The following CCDC33 variants were observed in gnomAD, a reference collection of about 807,000 sequenced individuals.
CCDC33 encodes coiled-coil domain containing 33.
In CCDC33, 94 loss-of-function variants were observed where a neutral mutation model predicts 91.9. The observed-to-expected ratio is 1.02, with a 90% confidence interval of 0.87 to 1.21. CCDC33 has a LOEUF of 1.21. CCDC33 is among the 50% of genes most tolerant of loss of function. The pLI is 0.00. For synonymous variants in CCDC33, 396 were observed against 374.5 expected, an observed-to-expected ratio of 1.06 and a Z score of -0.66; for missense variants, 940 against 935.5, an observed-to-expected ratio of 1.00 and a Z score of -0.06.
chr15:74,331,421 G>A (rs1256853500), intron 15 of CCDC33, 125 bp downstream of exon 15: 3 of 952,954 alleles, frequency 3.1e-6, no homozygotes, highest in African/African-American at 3.3e-5. Flanking sequence ...AGTTATGTCT[G>A]TGGGCCTGGG....
At chr15:74,299,430 T>C (rs1238878410) in intron 11 of CCDC33, 1 of 152,306 alleles carries the variant, frequency 6.6e-6, no homozygotes, top group Non-Finnish European at 1.5e-5. Flanking sequence ...CCAAGACAGA[T>C]GTTGGTAAAT....
exon 1 of CCDC33, chr15:74,217,405 T>C (rs2074472405): frequency 1.6e-6 from 2 of 1,289,700 alleles, no homozygotes; most frequent in Non-Finnish European, 2.0e-6. Context: ...AGATACGCCC[T>C]GAGACTGTCA....
chr15:74,269,330 C>T (rs1257641957), intron 5 of CCDC33, among the ~76,000 whole-genome samples: 1 of 152,222 alleles, frequency 6.6e-6, no homozygotes, highest in Non-Finnish European at 1.5e-5. Flanking sequence ...CCCACCAGCA[C>T]CGTGGGCCTG....
At chr15:74,279,917 G>A (rs768094124) in intron 7 of CCDC33, 46 bp from the exon 8 acceptor site, 1 of 1,588,924 alleles carries the variant, frequency 6.3e-7, no homozygotes, top group Admixed American at 1.8e-5. Flanking sequence ...CCTTGATTTG[G>A]GAGAAGCTGT....
chr15:74,229,166 T>A (rs942243697), intron 2 of CCDC33, among the ~76,000 whole-genome samples: 3 of 152,166 alleles, frequency 2.0e-5, no homozygotes, highest in South Asian at 2.1e-4. Context: ...GTGGCCTAAG[T>A]CTGAAGCTTG....
rs878995553 is a variant in CCDC33, at chr15:74,268,384, C to T, written c.472C>T (p.Gln158Ter). Residue 158 changes from glutamine (Q) to a stop codon, truncating the protein, a stop_gained, in exon 5 of 19, where the codon CAG (glutamine) becomes TAG (stop). Transcript: ENST00000398814. LOFTEE classifies it high-confidence loss of function. ...GKADEATAKT[Q>*]LYATVVRKSS... Reference sequence around the variant, plus strand: ...AGCCGATGAAGCCACTGCCAAGACCCAGTTGTACGCAACAGTCGTTCGGAA... The same window carrying T: ...AGCCGATGAAGCCACTGCCAAGACCTAGTTGTACGCAACAGTCGTTCGGAA... 3 of 1,611,908 alleles carry T rather than the reference C, an allele frequency of 1.9e-6. No homozygotes were observed. Among genetic ancestry groups the T allele is most frequent in the Middle Eastern group, 1.7e-4 (1 of 6,052 alleles).
chr15:74,282,339 A>G (rs1482874529), intron 10 of CCDC33, among the ~76,000 whole-genome samples: 3 of 152,134 alleles, frequency 2.0e-5, no homozygotes, highest in African/African-American at 7.2e-5. Flanking sequence ...AGTTCCCTGC[A>G]GTGCCGGACT....
chr15:74,205,784 C>T (rs541696593), intron 1 of CCDC33, among the ~76,000 whole-genome samples: 2 of 152,332 alleles, frequency 1.3e-5, no homozygotes, highest in South Asian at 4.1e-4. Context: ...ACAATACCAC[C>T]TCCCTCCTCA....
intron 5 of CCDC33, 119 bp from the exon 6 acceptor site, chr15:74,271,584 T>G (rs2076318044): frequency 2.9e-6 from 2 of 681,562 alleles, no homozygotes; most frequent in Non-Finnish European, 5.3e-6. Flanking sequence ...AGGTGTCAAG[T>G]GTGGAGGCAG....
intron 1 of CCDC33, chr15:74,203,110 C>T (rs969086492): frequency 2.0e-6 from 2 of 985,592 alleles, no homozygotes; most frequent in Non-Finnish European, 2.4e-6. Flanking sequence ...TGAGACGGAC[C>T]GCTGGGGCTG....
intron 11 of CCDC33, among the ~76,000 whole-genome samples, chr15:74,298,054 C>T (rs940270997): frequency 3.9e-5 from 6 of 152,238 alleles, no homozygotes; most frequent in Admixed American, 3.3e-4. Context: ...CAGCCCTGCT[C>T]CTAGTACTGG....
Position 74,218,390 on chromosome 15 carries a change from A to C in CCDC33, c.311-107A>C. On this transcript the variant is annotated intron_variant, in intron 1 of 2. Transcript: ENST00000635913. The surrounding 1 kb of genome is among the most constrained non-coding windows in gnomAD (Gnocchi z 4.8). ...GCCAAGACTGCTTGGCTTTGACTCA[A>C]AGTCTGGGCAGCCCAGGTTTCCCCA... 1.7e-6 allele frequency: 2 copies of C among 1,144,270 alleles called. No individual in the cohort carries two copies. The highest frequency in any genetic ancestry group is 2.2e-6 in the Non-Finnish European group (2 of 897,018). 70.9% of individuals were successfully genotyped at this position (1,144,270 alleles called of 1,614,324 possible).
Position 74,272,833 on chromosome 15 carries a change from C to T in CCDC33, c.701C>T (p.Pro234Leu), listed in dbSNP as rs1052892615. The change falls in exon 7 of 19, where the codon CCT becomes CTT. Residue 234 changes from proline to leucine, a missense_variant. Transcript: ENST00000398814. ...CTGCCCATCACCCCACTGTCCTTCC[C>T]TATCCCGTCCATGATGAACTTTGAC... is the stretch of plus-strand genomic sequence containing the variant. ...VGLPITPLSF[P>L]IPSMMNFDVP... is the part of the protein sequence containing the mutation. 1.2e-5 allele frequency: 20 copies of T among 1,614,128 alleles called. No individual in the cohort carries two copies. The highest frequency in any genetic ancestry group is 1.5e-5 in the Non-Finnish European group (18 of 1,180,034).
At position 74,335,974 on chromosome 15, in the gene CCDC33, C is replaced by T. The variant is rs769493427; in HGVS notation, c.2189C>T (p.Pro730Leu). The change falls in exon 19 of 19, where the codon CCC (proline) becomes CTC (leucine). Residue 730 changes from proline to leucine, a missense_variant. Coordinates refer to ENST00000398814, the MANE Select transcript of CCDC33 (RefSeq NM_025055.5). ...MDLKQPSELE[P>L]LLPSSDSKLN... ...CTCAAGCAGCCCTCAGAGCTGGAGC[C>T]CCTGCTGCCCAGCTCAGACTCTAAG... The T allele has an allele frequency of 1.1e-5, 17 of 1,613,828 alleles. No individual in the cohort carries two copies. The African/African-American group carries it at 2.3e-4, about 22-fold the overall frequency.
At chr15:74,311,152 C>T (rs1832393221) in intron 11 of CCDC33, among the ~76,000 whole-genome samples, 3 of 152,128 alleles carry the variant, frequency 2.0e-5, no homozygotes, top group Admixed American at 1.3e-4. Flanking sequence ...TCACCCTGGT[C>T]CCTTCCCCTA....
chr15:74,265,653 C>T (rs4887123), intron 3 of CCDC33, among the ~76,000 whole-genome samples: 1 of 152,050 alleles, frequency 6.6e-6, no homozygotes, highest in Non-Finnish European at 1.5e-5. Flanking sequence ...ATAGTAGATA[C>T]TCACTAAATA....
intron 1 of CCDC33, among the ~76,000 whole-genome samples, chr15:74,242,075 T>G (rs913997538): frequency 6.6e-6 from 1 of 152,142 alleles, no homozygotes; most frequent in Non-Finnish European, 1.5e-5. Flanking sequence ...GAAATAACGT[T>G]CCTAAAACTC....
chr15:74,335,919 C>A lies in CCDC33; in HGVS notation c.2140-6C>A, dbSNP rs750638514. On this transcript the variant is annotated splice_region_variant and splice_polypyrimidine_tract_variant and intron_variant, in intron 18 of 18. Coordinates refer to ENST00000398814, the MANE Select transcript of CCDC33 (RefSeq NM_025055.5). The stretch of plus-strand genomic sequence containing the variant: ...GTACTCACGCACCCCGCTTTGCACA[C>A]CACAGAGTGCCCTCACCCACTCCAT... The A allele has an allele frequency of 1.2e-6, 2 of 1,613,058 alleles. No homozygotes were observed. The highest frequency in any genetic ancestry group is 1.7e-5 in the Admixed American group (1 of 60,014).
chr15:74,330,282 A>T lies in CCDC33; in HGVS notation c.1384A>T (p.Ile462Leu). ...QASILEGENR[I>L]LRSRLAQQEE... ...CAGCATCCTGGAAGGAGAGAACCGC[A>T]TACTGAGGAGCCGCCTGGCCCAGCA... The change falls in exon 12 of 19, where the codon ATA (isoleucine) becomes TTA (leucine). Residue 462 changes from isoleucine to leucine, a missense_variant. Transcript: ENST00000398814. 3 of 1,612,466 alleles carry T rather than the reference A, an allele frequency of 1.9e-6. No individual in the cohort carries two copies. The highest frequency in any genetic ancestry group is 2.5e-6 in the Non-Finnish European group (3 of 1,179,794).
Sources: gnomAD v4.1 joint callset for allele counts (sites outside exome capture counted in the v4.1 genomes callset) on GRCh38, gnomAD v4.1.1 for gene constraint, Gnocchi (gnomAD v3.1) non-coding constraint, MANE v1.5 for transcripts, NCBI Gene and HGNC (gene_info 2026-07-23, HGNC 2026-07-21) for gene names.